Variants in NDRG3 observed in about 807,000 individuals in gnomAD.
NDRG3 encodes protein NDRG3.
Under a neutral mutation model 57.2 loss-of-function variants are expected in NDRG3, and 23 were observed. That is an observed-to-expected ratio of 0.40 (90% CI 0.29 to 0.57). The LOEUF (loss-of-function observed/expected upper bound fraction) is 0.57. NDRG3 is among the 20% of genes least tolerant of loss of function. The pLI is 0.42. For synonymous variants in NDRG3, 132 were observed against 162.6 expected (o/e 0.81, Z 1.43); for missense variants, 384 against 457.3 (o/e 0.84, Z 1.46).
chr20:36,684,372 A>C, intron 6 of NDRG3, 41 bp downstream of exon 6: 10 of 1,518,516 alleles, frequency 6.6e-6, no homozygotes, highest in Non-Finnish European at 8.2e-6. Context: ...CACCATAGAA[A>C]GTCAATAAAA....
At chr20:36,670,050 A>G (rs1230764047) in intron 9 of NDRG3, among the ~76,000 whole-genome samples, 1 of 152,258 alleles carries the variant, frequency 6.6e-6, no homozygotes, top group East Asian at 1.9e-4. Context: ...CTGTCATTCC[A>G]TTTATATGAA....
Position 36,665,064 on chromosome 20 carries a change from C to T in NDRG3, c.792G>A (p.Ser264=), listed in dbSNP as rs201502195. The T allele has an allele frequency of 3.5e-5, 57 of 1,614,098 alleles. 1 individual carries two copies. The highest frequency in any genetic ancestry group is 3.0e-4 in the South Asian group (27 of 91,086). The change falls in exon 12 of 16, where the codon TCG becomes TCA. Residue 264 remains serine (S), a synonymous_variant. Coordinates refer to ENST00000349004, the MANE Select transcript of NDRG3 (RefSeq NM_032013.4). ...CSTLLVVGDN[S]PAVEAVVECN... is the part of the protein sequence containing the mutation. ...TACTTACCACAGCCTCAACTGCAGG[C>T]GAATTGTCCCCTACCACCAGTAAAG...
intron 2 of NDRG3, among the ~76,000 whole-genome samples, chr20:36,720,354 G>A (rs889244778): frequency 1.3e-5 from 2 of 151,792 alleles, no homozygotes; most frequent in African/African-American, 4.8e-5. Flanking sequence ...TGTATTTTTA[G>A]TAGAGATGGA....
At chr20:36,719,066 G>A (rs1245045887) in intron 2 of NDRG3, among the ~76,000 whole-genome samples, 4 of 151,956 alleles carry the variant, frequency 2.6e-5, no homozygotes, top group Non-Finnish European at 5.9e-5. Context: ...ATACACAAAT[G>A]GTACTTAAAG....
chr20:36,724,764 C>T (rs1176166824), intron 1 of NDRG3, among the ~76,000 whole-genome samples: 1 of 151,664 alleles, frequency 6.6e-6, no homozygotes, highest in Non-Finnish European at 1.5e-5. Flanking sequence ...CCCATTTCTA[C>T]TAAAAGTACA....
chr20:36,673,572 C>T (rs1885534542), intron 8 of NDRG3, among the ~76,000 whole-genome samples: 2 of 151,910 alleles, frequency 1.3e-5, no homozygotes, highest in African/African-American at 2.4e-5. Context: ...CACCTGGCTA[C>T]GTTTCTGTAT....
chr20:36,690,441 C>A (rs1270531614), intron 3 of NDRG3, among the ~76,000 whole-genome samples: 1 of 143,424 alleles, frequency 7.0e-6, no homozygotes, highest in Non-Finnish European at 1.5e-5. Context: ...AGCTGAGGAA[C>A]CCAATAGAGC....
At chr20:36,678,064 T>C (rs1415068655) in intron 8 of NDRG3, among the ~76,000 whole-genome samples, 1 of 152,220 alleles carries the variant, frequency 6.6e-6, no homozygotes, top group East Asian at 1.9e-4. Context: ...CCTATCTCCT[T>C]GAATGGATTT....
At chr20:36,713,602 A>C (rs1178905061) in intron 2 of NDRG3, among the ~76,000 whole-genome samples, 3 of 152,186 alleles carry the variant, frequency 2.0e-5, no homozygotes, top group African/African-American at 7.2e-5. Flanking sequence ...GAAAGATGAG[A>C]TAGATAAGAC....
At chr20:36,712,559 C>CTATATATATATATATATA (rs1201319236) in intron 2 of NDRG3, among the ~76,000 whole-genome samples, 2 of 20,746 alleles carry the variant, frequency 9.6e-5, no homozygotes, top group South Asian at 3.5e-3. Flanking sequence ...CCATGCCCGG[C>CTATATATATATATATATA]TATATATATA....
At chr20:36,702,337 C>A (rs1445442170) in intron 3 of NDRG3, among the ~76,000 whole-genome samples, 1 of 151,958 alleles carries the variant, frequency 6.6e-6, no homozygotes, top group African/African-American at 2.4e-5. Flanking sequence ...GGGGTTTCAC[C>A]GTGTTAGCCA....
At chr20:36,714,434 C>G (rs1984102373) in intron 2 of NDRG3, among the ~76,000 whole-genome samples, 1 of 145,462 alleles carries the variant, frequency 6.9e-6, no homozygotes, top group Admixed American at 6.9e-5. Context: ...TTCAGCAAAT[C>G]ATTTTCTTCT....
intron 1 of NDRG3, among the ~76,000 whole-genome samples, chr20:36,734,386 G>A (rs1600973832): frequency 6.6e-6 from 1 of 152,188 alleles, no homozygotes; most frequent in Admixed American, 6.5e-5. Context: ...ATTCAGAATT[G>A]AGAAGACTGC....
At chr20:36,743,123 C>A (rs950283715) in intron 1 of NDRG3, among the ~76,000 whole-genome samples, 3 of 152,146 alleles carry the variant, frequency 2.0e-5, no homozygotes, top group African/African-American at 7.2e-5. Context: ...ATGAAAAGTA[C>A]CCTGTACATC....
intron 5 of NDRG3, among the ~76,000 whole-genome samples, chr20:36,685,199 G>C (rs1441003887): frequency 6.6e-6 from 1 of 151,986 alleles, no homozygotes; most frequent in African/African-American, 2.4e-5. Context: ...CAAAAATAAA[G>C]CTTTTCTAGG....
chr20:36,682,235 T>A (rs958919423), intron 7 of NDRG3, among the ~76,000 whole-genome samples: 8 of 152,206 alleles, frequency 5.3e-5, no homozygotes, highest in Admixed American at 2.6e-4. Flanking sequence ...CATGTATCAT[T>A]ATAAAGCTTT....
At chr20:36,671,277 G>A in intron 9 of NDRG3, 64 bp downstream of exon 9, 1 of 1,346,690 alleles carries the variant, frequency 7.4e-7, no homozygotes, top group Non-Finnish European at 1.1e-6. Context: ...TCTTTCCTAA[G>A]GTAAAATAAG....
intron 15 of NDRG3, among the ~76,000 whole-genome samples, chr20:36,655,832 CTTCTT>C (rs918163754): frequency 6.6e-6 from 1 of 152,224 alleles, no homozygotes. Context: ...AACAGAATGA[CTTCTT>C]AGATTAAGAA....
chr20:36,658,250 G>C (rs1978851584), intron 13 of NDRG3, among the ~76,000 whole-genome samples: 1 of 152,162 alleles, frequency 6.6e-6, no homozygotes, highest in African/African-American at 2.4e-5. Context: ...TCCTGCCTCA[G>C]TCTCTGGAGT....
Sources: allele counts gnomAD v4.1 joint callset (sites outside exome capture counted in the v4.1 genomes callset), GRCh38; gene constraint gnomAD v4.1.1; transcripts MANE v1.5; gene names NCBI Gene and HGNC (gene_info 2026-07-23, HGNC 2026-07-21).